GPC5: variants seen among roughly 807,000 people sequenced by gnomAD.
GPC5 encodes glypican 5.
In GPC5, 47 loss-of-function variants were observed where a neutral mutation model predicts 53.9. That is an observed-to-expected ratio of 0.87 (90% CI 0.69 to 1.11). The LOEUF (loss-of-function observed/expected upper bound fraction) is 1.11, where lower values mean the gene tolerates loss of function less well. Ranked by LOEUF, GPC5 falls within the 50% of genes most tolerant of loss-of-function variation. The pLI is 0.00. For missense variants in GPC5, 748 were observed against 713.1 expected, an observed-to-expected ratio of 1.05 and a Z score of -0.56; for synonymous variants, 286 against 263.3, an observed-to-expected ratio of 1.09 and a Z score of -0.84.
At chr13:91,830,694 A>G (rs1432794418) in intron 5 of GPC5, among the ~76,000 whole-genome samples, 1 of 148,974 alleles carries the variant, frequency 6.7e-6, no homozygotes, top group East Asian at 1.9e-4. Context: ...TTCCCACAAC[A>G]TAGAGGGACA....
chr13:92,690,267 T>C (rs1212007598), intron 7 of GPC5, among the ~76,000 whole-genome samples: 4 of 66,528 alleles, frequency 6.0e-5, no homozygotes, highest in African/African-American at 2.9e-4. Flanking sequence ...TGCTCATTTC[T>C]TTTTATTCTT....
At chr13:91,762,465 A>T (rs1009359737) in intron 5 of GPC5, among the ~76,000 whole-genome samples, 2 of 152,096 alleles carry the variant, frequency 1.3e-5, no homozygotes. Flanking sequence ...AAAAACGATC[A>T]GGTCTCAGGA....
chr13:92,248,073 A>G (rs2042665948), intron 7 of GPC5, among the ~76,000 whole-genome samples: 1 of 152,142 alleles, frequency 6.6e-6, no homozygotes, highest in Non-Finnish European at 1.5e-5. Context: ...TTAGCAGGGT[A>G]AGTCATATTT....
chr13:92,501,187 T>G (rs1389661569), intron 7 of GPC5, among the ~76,000 whole-genome samples: 1 of 152,068 alleles, frequency 6.6e-6, no homozygotes, highest in Non-Finnish European at 1.5e-5. Context: ...ACAAACAGTT[T>G]AACAAGCTAT....
At chr13:92,342,054 A>C (rs562640886) in intron 7 of GPC5, among the ~76,000 whole-genome samples, 1 of 152,144 alleles carries the variant, frequency 6.6e-6, no homozygotes, top group South Asian at 2.1e-4. Context: ...TTGGCTTCTC[A>C]ATTCCCTGAT....
At chr13:91,893,029 A>G (rs2039404056) in intron 5 of GPC5, among the ~76,000 whole-genome samples, 1 of 152,004 alleles carries the variant, frequency 6.6e-6, no homozygotes, top group Non-Finnish European at 1.5e-5. Flanking sequence ...GTTTTCCTAA[A>G]TAAGAGACTT....
intron 7 of GPC5, among the ~76,000 whole-genome samples, chr13:92,151,586 T>G (rs1489914794): frequency 6.6e-6 from 1 of 152,184 alleles, no homozygotes; most frequent in East Asian, 1.9e-4. Context: ...CTGATTATTT[T>G]TAGCATGAGG....
intron 3 of GPC5, 134 bp downstream of exon 3, chr13:91,694,015 A>G: frequency 1.3e-6 from 1 of 741,348 alleles, no homozygotes; most frequent in Non-Finnish European, 2.1e-6. Context: ...ATATCTTATG[A>G]TAAAATTTTG....
intron 7 of GPC5, among the ~76,000 whole-genome samples, chr13:92,251,964 T>C (rs559930647): frequency 5.9e-5 from 9 of 152,262 alleles, no homozygotes; most frequent in African/African-American, 2.2e-4. Flanking sequence ...AACACTAATG[T>C]AATTATCTCA....
intron 6 of GPC5, among the ~76,000 whole-genome samples, chr13:92,030,395 C>T (rs889263668): frequency 6.6e-6 from 1 of 152,132 alleles, no homozygotes; most frequent in Non-Finnish European, 1.5e-5. Context: ...TGTAATCCCT[C>T]ATTATTTCTC....
intron 6 of GPC5, among the ~76,000 whole-genome samples, chr13:91,985,629 C>T (rs1351861835): frequency 2.0e-5 from 3 of 151,990 alleles, no homozygotes; most frequent in African/African-American, 7.2e-5. Flanking sequence ...AATTTGTTTT[C>T]AATGTACCTT....
At chr13:91,712,318 GTGTGTGTGTGTATATATATA>G (rs1192389684) in intron 3 of GPC5, among the ~76,000 whole-genome samples, 41 of 151,196 alleles carry the variant, frequency 2.7e-4, no homozygotes, top group Non-Finnish European at 5.3e-4. Flanking sequence ...GTGTGTATAT[GTGTGTGTGTGTATATATATA>G]TGTGTGTGTG....
intron 7 of GPC5, among the ~76,000 whole-genome samples, chr13:92,517,052 G>A (rs1001941316): frequency 3.3e-5 from 5 of 152,148 alleles, no homozygotes; most frequent in African/African-American, 1.2e-4. Flanking sequence ...GTCTCGGAGG[G>A]TCCCACACCC....
At chr13:92,094,614 G>T (rs1433460956) in intron 6 of GPC5, among the ~76,000 whole-genome samples, 4 of 143,338 alleles carry the variant, frequency 2.8e-5, no homozygotes, top group Non-Finnish European at 3.0e-5. Context: ...CCTAATCAAA[G>T]AAACTGTAAA....
intron 6 of GPC5, among the ~76,000 whole-genome samples, chr13:91,987,222 G>A (rs983860501): frequency 7.9e-5 from 12 of 152,160 alleles, no homozygotes; most frequent in Admixed American, 6.6e-4. Context: ...AAGTGTGATG[G>A]TTGCAATGCT....
chr13:92,575,595 C>A (rs1419129373), intron 7 of GPC5, among the ~76,000 whole-genome samples: 2 of 152,022 alleles, frequency 1.3e-5, no homozygotes, highest in Non-Finnish European at 1.5e-5. Flanking sequence ...TATGGCAGCC[C>A]TAGGAAACTC....
At chr13:92,479,992 A>G (rs371885175) in intron 7 of GPC5, among the ~76,000 whole-genome samples, 2 of 152,172 alleles carry the variant, frequency 1.3e-5, no homozygotes, top group African/African-American at 4.8e-5. Flanking sequence ...ATCATCAGAA[A>G]GAATACAAAG....
At chr13:92,420,776 AG>A (rs1876522545) in intron 7 of GPC5, among the ~76,000 whole-genome samples, 1 of 152,142 alleles carries the variant, frequency 6.6e-6, no homozygotes, top group African/African-American at 2.4e-5. Flanking sequence ...TGTTTCACTT[AG>A]CTAATGACCT....
chr13:91,503,492 T>G (rs1336208), intron 2 of GPC5, among the ~76,000 whole-genome samples: 51,705 of 151,856 alleles, frequency 0.34, 8,905 homozygotes, highest in South Asian at 0.45. Flanking sequence ...CAATTAATAA[T>G]TAGGCTGGGC....
Sources: gnomAD v4.1 joint callset for allele counts (sites outside exome capture counted in the v4.1 genomes callset) on GRCh38, gnomAD v4.1.1 for gene constraint, MANE v1.5 for transcripts, NCBI Gene and HGNC (gene_info 2026-07-23, HGNC 2026-07-21) for gene names.